TYW1: variants seen among roughly 807,000 people sequenced by gnomAD.
TYW1 encodes tRNA-yW synthesizing protein 1 homolog.
A neutral mutation model predicts 96.2 loss-of-function variants in TYW1; 46 were observed. That is an observed-to-expected ratio of 0.48 (90% confidence interval 0.38 to 0.61). TYW1 has a LOEUF of 0.61. Among genes scored for constraint, TYW1 ranks in the 20% least tolerant of loss-of-function variants. The pLI is 0.00. For missense variants in TYW1, 684 were observed against 909.6 expected, an observed-to-expected ratio of 0.75 and a Z score of 3.19; for synonymous variants, 274 against 323.0, an observed-to-expected ratio of 0.85 and a Z score of 1.63.
At chr7:67,001,682 A>G (rs1447768481) in intron 3 of TYW1, among the ~76,000 whole-genome samples, 1 of 151,572 alleles carries the variant, frequency 6.6e-6, no homozygotes, top group African/African-American at 2.4e-5. Flanking sequence ...GGCCTCCCAA[A>G]GTGTTGGGAT....
rs566464732 is a variant in TYW1, at chr7:67,072,153, C to T, written c.1274+4750C>T. Among the ~76,000 whole-genome samples the T allele has an allele frequency of 4.1e-3, 617 of 149,788 alleles. 3 individuals are homozygous for T. The highest frequency in any genetic ancestry group is 7.8e-3 in the Admixed American group (117 of 14,926). ...TTGGTGCCTAGCTCTTCTTCCCAGG[C>T]ATTCAGCTGTGTATTGTTTACCTCA... On this transcript the variant is annotated intron_variant, in intron 10 of 15. Transcript: ENST00000359626.
chr7:67,165,344 C>T (rs1799286422), intron 13 of TYW1, among the ~76,000 whole-genome samples: 1 of 152,072 alleles, frequency 6.6e-6, no homozygotes, highest in Non-Finnish European at 1.5e-5. Flanking sequence ...ATAACCTCAT[C>T]CAGTCTATGT....
rs555149060 is a variant in TYW1, at chr7:67,202,349, A to T, written c.1977+7012A>T. Among the ~76,000 whole-genome samples, 8 of 152,194 alleles carry T rather than the reference A, an allele frequency of 5.3e-5. No homozygotes were observed. In the South Asian group the frequency reaches 1.7e-3, roughly 32 times the overall value. On this transcript the variant is annotated intron_variant, in intron 15 of 15. Coordinates refer to ENST00000359626, the MANE Select transcript of TYW1 (RefSeq NM_018264.4). ...GAAACCAGAGAGGTCCGAATCATCA[A>T]ATACCTGTTTATCATTCTCAGCTTT...
chr7:67,139,946 C>T (rs1798390331), intron 13 of TYW1, among the ~76,000 whole-genome samples: 1 of 152,030 alleles, frequency 6.6e-6, no homozygotes, highest in Non-Finnish European at 1.5e-5. Flanking sequence ...TAAAGACACA[C>T]CCGAGACTGA....
intron 13 of TYW1, among the ~76,000 whole-genome samples, chr7:67,130,455 C>T (rs1174848579): frequency 2.0e-5 from 3 of 151,822 alleles, no homozygotes; most frequent in South Asian, 4.2e-4. Flanking sequence ...GGGTGGATCA[C>T]GAGTTCAGGA....
At chr7:67,154,900 G>T (rs570186467) in intron 13 of TYW1, among the ~76,000 whole-genome samples, 2 of 151,920 alleles carry the variant, frequency 1.3e-5, no homozygotes, top group African/African-American at 4.8e-5. Context: ...AAAAAAATCC[G>T]AGTTGTTTCA....
In TYW1 at chr7:67,234,075, G is replaced by A. The variant is rs1319891581; in HGVS notation, c.1978-4233G>A. Among the ~76,000 whole-genome samples, 5 of 135,200 alleles carry A rather than the reference G, an allele frequency of 3.7e-5. 1 individual carries two copies. The highest frequency in any genetic ancestry group is 8.9e-5 in the African/African-American group (3 of 33,774). The allele number at this position is 135,200 out of a possible 152,430, so 88.7% of individuals were successfully genotyped here. ...AAGAAGAGACATCAGGGCTGGGTGC[G>A]GTGGCTCATGCCTATGATCCTAGCA... On this transcript the variant is annotated intron_variant, in intron 15 of 15. Coordinates refer to ENST00000359626, the MANE Select transcript of TYW1 (RefSeq NM_018264.4).
chr7:67,144,276 CTACCTAAAAAA>C (rs1798535843), intron 13 of TYW1, among the ~76,000 whole-genome samples: 1 of 140,484 alleles, frequency 7.1e-6, no homozygotes, highest in South Asian at 2.3e-4. Context: ...TGACACACAA[CTACCTAAAAAA>C]TAAGAAAAAT....
At position 67,238,839 on chromosome 7, in the gene TYW1, A is replaced by G. The variant is rs1584732000; in HGVS notation, c.*310A>G. 1 of 1,154,506 alleles carries G rather than the reference A, an allele frequency of 8.7e-7. No homozygotes were observed. Among genetic ancestry groups the G allele is most frequent in the Non-Finnish European group, 1.1e-6 (1 of 933,560 alleles). 71.5% of individuals were successfully genotyped at this position (1,154,506 alleles called of 1,614,324 possible). A position where few individuals can be genotyped will look rare whatever the true frequency, so the allele number is the denominator to read the frequency against. ...ATGGTTTTGTATTATAACTTGTAAG[A>G]CCTGCCAGAATGCTAGTCCCGAGAG... On this transcript the variant is annotated 3_prime_UTR_variant, in exon 16 of 16. Coordinates refer to ENST00000359626, the MANE Select transcript of TYW1 (RefSeq NM_018264.4).
intron 10 of TYW1, among the ~76,000 whole-genome samples, chr7:67,082,140 T>C (rs1350685552): frequency 2.0e-5 from 3 of 152,086 alleles, no homozygotes; most frequent in Non-Finnish European, 2.9e-5. Context: ...TCAGGTCTGT[T>C]ACTGGAGAAT....
rs528204381 is a variant in TYW1 at position 67,178,326 on chromosome 7, A to G, written c.1699-4800A>G. The stretch of plus-strand genomic sequence containing the variant: ...CATAAAGATGTATTTATGGTGACAC[A>G]TAAGTACCATGCACTCTACTGGGCC... On this transcript the variant is annotated intron_variant, in intron 13 of 15. Transcript: ENST00000359626. Among the ~76,000 whole-genome samples, 406 of 152,380 alleles carry G rather than the reference A, an allele frequency of 2.7e-3. 1 individual carries two copies. Among genetic ancestry groups the G allele is most frequent in the Non-Finnish European group, 4.2e-3 (286 of 68,040 alleles).
At chr7:67,012,147 T>C (rs1584460723) in intron 4 of TYW1, among the ~76,000 whole-genome samples, 2 of 152,124 alleles carry the variant, frequency 1.3e-5, no homozygotes, top group South Asian at 2.1e-4. Flanking sequence ...AGCTCAGACA[T>C]GTAAGAACAG....
At chr7:67,074,459 C>A (rs1295781671) in intron 10 of TYW1, among the ~76,000 whole-genome samples, 1 of 152,162 alleles carries the variant, frequency 6.6e-6, no homozygotes, top group Non-Finnish European at 1.5e-5. Flanking sequence ...TTGAGCAGTA[C>A]ATTTACCCAG....
intron 11 of TYW1, among the ~76,000 whole-genome samples, chr7:67,084,426 A>G (rs906742667): frequency 1.2e-4 from 19 of 152,166 alleles, no homozygotes; most frequent in African/African-American, 4.3e-4. Flanking sequence ...TTTATCATGC[A>G]TCGGAATCAT....
At chr7:67,059,971 C>T (rs1795644775) in intron 9 of TYW1, among the ~76,000 whole-genome samples, 1 of 151,946 alleles carries the variant, frequency 6.6e-6, no homozygotes, top group Non-Finnish European at 1.5e-5. Flanking sequence ...CAGGGTTTCA[C>T]CATGTTGGCC....
At chr7:67,138,854 C>T (rs1798355476) in intron 13 of TYW1, among the ~76,000 whole-genome samples, 1 of 151,758 alleles carries the variant, frequency 6.6e-6, no homozygotes, top group Non-Finnish European at 1.5e-5. Flanking sequence ...ATAAATACCA[C>T]ATTTTCTTTA....
intron 3 of TYW1, among the ~76,000 whole-genome samples, chr7:67,006,640 ATGT>A (rs981115763): frequency 1.9e-4 from 29 of 150,966 alleles, no homozygotes; most frequent in South Asian, 1.0e-3. Context: ...GGGTTTCACC[ATGT>A]TGCCCAGGCT....
At chr7:67,019,989 A>T (rs1352088936) in intron 6 of TYW1, among the ~76,000 whole-genome samples, 4 of 152,270 alleles carry the variant, frequency 2.6e-5, no homozygotes, top group Non-Finnish European at 4.4e-5. Context: ...GATATGACAG[A>T]TGTTTCATTC....
chr7:67,072,668 C>T (rs1480206625), intron 10 of TYW1, among the ~76,000 whole-genome samples: 3 of 152,124 alleles, frequency 2.0e-5, no homozygotes, highest in African/African-American at 7.2e-5. Context: ...ATTCCATTTA[C>T]CTATTTTAAT....
Sources: gnomAD v4.1 joint callset for allele counts (sites outside exome capture counted in the v4.1 genomes callset) on GRCh38, gnomAD v4.1.1 for gene constraint, MANE v1.5 for transcripts, NCBI Gene and HGNC (gene_info 2026-07-23, HGNC 2026-07-21) for gene names.